The following RFX2 variants were observed in gnomAD, a reference collection of about 807,000 sequenced individuals.
RFX2 encodes regulatory factor X2, also known as DNA-binding protein RFX2.
In RFX2, 20 loss-of-function variants were observed where a neutral mutation model predicts 87.8. That is an observed-to-expected ratio of 0.23 (90% CI 0.16 to 0.33). The LOEUF (loss-of-function observed/expected upper bound fraction) is 0.33. Among genes scored for constraint, RFX2 ranks in the 10% least tolerant of loss-of-function variants. RFX2 has a pLI of 1.00. For synonymous variants in RFX2, 397 were observed against 431.3 expected, an observed-to-expected ratio of 0.92 and a Z score of 0.98; for missense variants, 767 against 1,012.3, an observed-to-expected ratio of 0.76 and a Z score of 3.29.
At chr19:6,071,588 G>A (rs763697012) in intron 1 of RFX2, among the ~76,000 whole-genome samples, 1 of 152,150 alleles carries the variant, frequency 6.6e-6, no homozygotes, top group Non-Finnish European at 1.5e-5. Flanking sequence ...CAATGAGAAC[G>A]ACAAAAGGAC....
chr19:5,998,434 G>A lies in RFX2; in HGVS notation c.1860-1221C>T, dbSNP rs771603198. Among the ~76,000 whole-genome samples, 3 of 152,162 alleles carry A rather than the reference G, an allele frequency of 2.0e-5. No individual in the cohort carries two copies. Among genetic ancestry groups the A allele is most frequent in the Admixed American group, 6.5e-5 (1 of 15,274 alleles). The stretch of plus-strand genomic sequence containing the variant: ...GCGGCCCCCAATGCCCAACTGCCCC[G>A]GCTCGAAGTATACTTTCATAAACTC... On this transcript the variant is annotated intron_variant, in intron 15 of 17. Transcript: ENST00000303657. The surrounding 1 kb of genome is among the most constrained non-coding windows in gnomAD (Gnocchi z 4.2).
chr19:6,036,771 C>T (rs1292473903), intron 5 of RFX2, among the ~76,000 whole-genome samples: 1 of 152,138 alleles, frequency 6.6e-6, no homozygotes, highest in Non-Finnish European at 1.5e-5. Flanking sequence ...AAACCCACAG[C>T]TAACATCACA....
intron 1 of RFX2, among the ~76,000 whole-genome samples, chr19:6,081,114 T>TA (rs769258387): frequency 2.4e-4 from 37 of 151,610 alleles, no homozygotes; most frequent in Non-Finnish European, 5.1e-4. Context: ...TAATCTGACT[T>TA]ACATCTTTTA....
At chr19:6,051,980 C>A (rs1470335134) in intron 1 of RFX2, among the ~76,000 whole-genome samples, 2 of 152,146 alleles carry the variant, frequency 1.3e-5, no homozygotes, top group African/African-American at 4.8e-5. Flanking sequence ...CAGGTTCACG[C>A]CATTCTCCTG....
chr19:6,067,678 C>T (rs965383357), intron 1 of RFX2, among the ~76,000 whole-genome samples: 1 of 152,192 alleles, frequency 6.6e-6, no homozygotes, highest in Non-Finnish European at 1.5e-5. Flanking sequence ...GAAGTGGCAC[C>T]ACCACCTTTC....
chr19:6,010,169 C>T lies in RFX2; in HGVS notation c.982G>A (p.Ala328Thr). 1 of 1,548,986 alleles carries T rather than the reference C, an allele frequency of 6.5e-7. No homozygotes were observed. Among genetic ancestry groups the T allele is most frequent in the Non-Finnish European group, 8.7e-7 (1 of 1,146,858 alleles). The part of the protein sequence containing the change: ...GLHSTPEQTM[A>T]VQSQHHQQYI... ...TGCTGGTGGTGCTGGCTCTGCACGG[C>T]CATGGTCTGTTCCGGAGTGCTGTGC... The change falls in exon 9 of 18, where the codon GCC (alanine) becomes ACC (threonine). Residue 328 changes from alanine to threonine, a missense_variant. This residue lies in a region of RFX2 where 621 missense variants were observed against 873.0 expected (regional missense o/e 0.71). Transcript: ENST00000303657. This position sits in a 1 kb window ranked among gnomAD's most constrained non-coding sequence, Gnocchi z 5.0.
chr19:6,092,570 T>G (rs2087952791), intron 1 of RFX2, among the ~76,000 whole-genome samples: 1 of 152,194 alleles, frequency 6.6e-6, no homozygotes, highest in Non-Finnish European at 1.5e-5. Context: ...CATGAGCTTG[T>G]GGCTGCGCAA....
chr19:6,073,392 T>G (rs537002229), intron 1 of RFX2: 1 of 1,151,440 alleles, frequency 8.7e-7, no homozygotes, highest in Non-Finnish European at 1.3e-6. Flanking sequence ...CTGGAAGTGC[T>G]GATGTGCAAC....
chr19:6,080,376 C>T (rs955686988), intron 1 of RFX2, among the ~76,000 whole-genome samples: 2 of 152,240 alleles, frequency 1.3e-5, no homozygotes, highest in South Asian at 4.2e-4. Context: ...ACGTGAGCCA[C>T]GACACCCAGC....
intron 1 of RFX2, among the ~76,000 whole-genome samples, chr19:6,086,084 C>A (rs2087851966): frequency 9.5e-6 from 1 of 104,732 alleles, no homozygotes. Context: ...AGAACAAGAT[C>A]CTGTCTCAAA....
intron 1 of RFX2, among the ~76,000 whole-genome samples, chr19:6,086,523 T>C (rs1388286801): frequency 2.0e-5 from 3 of 152,252 alleles, no homozygotes; most frequent in Non-Finnish European, 4.4e-5. Flanking sequence ...TATAATCTTA[T>C]GGGATCACTT....
Position 6,064,103 on chromosome 19 carries a change from C to T in RFX2, c.-8-16599G>A, listed in dbSNP as rs1479200489. Among the ~76,000 whole-genome samples the T allele has an allele frequency of 6.6e-6, 1 of 152,198 alleles. No homozygotes were observed. Among genetic ancestry groups the T allele is most frequent in the Admixed American group, 6.5e-5 (1 of 15,280 alleles). On this transcript the variant is annotated intron_variant, in intron 1 of 17. Transcript: ENST00000303657. This position sits in a 1 kb window ranked among gnomAD's most constrained non-coding sequence, Gnocchi z 4.8. Reference sequence around the variant, plus strand: ...CCCTCACAGATCCCTCACCCCAACCCCAGACCCTACGTAGCACATTGCCTG... The same window carrying T: ...CCCTCACAGATCCCTCACCCCAACCTCAGACCCTACGTAGCACATTGCCTG...
chr19:6,035,207 C>T lies in RFX2; in HGVS notation c.522+4773G>A, dbSNP rs74332073. Among the ~76,000 whole-genome samples the T allele has an allele frequency of 4.5e-3, 679 of 152,268 alleles. 8 individuals carry two copies. The East Asian group carries it at 0.071, about 16-fold the overall frequency. On this transcript the variant is annotated intron_variant, in intron 5 of 17. Transcript: ENST00000303657. ...AGGCTGTGTGTTTTCACAGCATGGC[C>T]TCATGTGGCCTCTGGGTCTTGCAGG... is the stretch of plus-strand genomic sequence containing the variant.
In RFX2 at chr19:6,044,694, G is replaced by C. The variant is rs1369000865; in HGVS notation, c.91-412C>G. On this transcript the variant is annotated intron_variant, in intron 2 of 17. Coordinates refer to ENST00000303657, the MANE Select transcript of RFX2 (RefSeq NM_000635.4). This position sits in a 1 kb window ranked among gnomAD's most constrained non-coding sequence, Gnocchi z 5.3. ...GTCCCTAGTACAGAGGGGACTGCTG[G>C]GGCCCTCTGGATAGCCATCCGCACC... is the stretch of plus-strand genomic sequence containing the variant. 6.6e-6 allele frequency among the ~76,000 whole-genome samples: 1 copy of C among 152,238 alleles called. No individual in the cohort carries two copies. The highest frequency in any genetic ancestry group is 1.5e-5 in the Non-Finnish European group (1 of 68,034).
intron 5 of RFX2, among the ~76,000 whole-genome samples, chr19:6,033,456 G>C (rs75366109): frequency 0.023 from 3,544 of 152,168 alleles, 143 homozygotes; most frequent in African/African-American, 0.081. Context: ...TGACTTGTCT[G>C]GTAAATCAAT....
chr19:6,052,105 T>C (rs1441277847), intron 1 of RFX2, among the ~76,000 whole-genome samples: 1 of 152,154 alleles, frequency 6.6e-6, no homozygotes, highest in Non-Finnish European at 1.5e-5. Context: ...CTCCATCTCC[T>C]GACCTCTTGA....
At position 6,004,876 on chromosome 19, in the gene RFX2, T is replaced by C. The variant is rs1178494531; in HGVS notation, c.1403-578A>G. Among the ~76,000 whole-genome samples the C allele has an allele frequency of 6.6e-6, 1 of 151,526 alleles. No homozygotes were observed. The highest frequency in any genetic ancestry group is 6.6e-5 in the Admixed American group (1 of 15,226). On this transcript the variant is annotated intron_variant, in intron 12 of 17. Coordinates refer to ENST00000303657, the MANE Select transcript of RFX2 (RefSeq NM_000635.4). The surrounding 1 kb of genome is among the most constrained non-coding windows in gnomAD (Gnocchi z 4.8). ...GCTGACGCCTGTAGTCCCAGCACTTTGGGAGGCCGAGGTGGGCGGATCACC... is the reference window on the plus strand; with the variant it reads ...GCTGACGCCTGTAGTCCCAGCACTTCGGGAGGCCGAGGTGGGCGGATCACC...
chr19:6,002,682 G>T lies in RFX2; in HGVS notation c.1650+39C>A. 1.2e-6 allele frequency: 2 copies of T among 1,606,432 alleles called. No homozygotes were observed. Among genetic ancestry groups the T allele is most frequent in the South Asian group, 1.1e-5 (1 of 90,772 alleles). ...GGGTTTGCTGGTTTTGCTGGAGGGC[G>T]GGAAGCCCGGGCCCTGGGGACGGTG... On this transcript the variant is annotated intron_variant, in intron 14 of 17. Coordinates refer to ENST00000303657, the MANE Select transcript of RFX2 (RefSeq NM_000635.4). This position sits in a 1 kb window ranked among gnomAD's most constrained non-coding sequence, Gnocchi z 6.7.
At chr19:6,058,519 A>G (rs1175028555) in intron 1 of RFX2, among the ~76,000 whole-genome samples, 5 of 151,974 alleles carry the variant, frequency 3.3e-5, no homozygotes, top group Non-Finnish European at 7.4e-5. Context: ...CCAGAGCAGC[A>G]GGCTTCAATG....
Sources: allele counts gnomAD v4.1 joint callset (sites outside exome capture counted in the v4.1 genomes callset), GRCh38; gene constraint gnomAD v4.1.1; regional missense constraint gnomAD v4.1.1; non-coding constraint Gnocchi (gnomAD v3.1); transcripts MANE v1.5; gene names NCBI Gene and HGNC (gene_info 2026-07-23, HGNC 2026-07-21).